EYS: variants seen among roughly 807,000 people sequenced by gnomAD.
The protein encoded by EYS is protein eyes shut homolog.
In EYS, 250 loss-of-function variants were observed where a neutral mutation model predicts 282.1. The observed-to-expected ratio is 0.89, with a 90% CI of 0.80 to 0.98. The LOEUF (loss-of-function observed/expected upper bound fraction) is 0.98, where lower values mean the gene tolerates loss of function less well. Among genes scored for constraint, EYS ranks in the 50% least tolerant of loss-of-function variants. The pLI, the probability that EYS is intolerant of heterozygous loss-of-function variation, is 0.00. For synonymous variants in EYS, 1,355 were observed against 1,282.9 expected, an observed-to-expected ratio of 1.06 and a Z score of -1.20; for missense variants, 4,016 against 3,709.0, an observed-to-expected ratio of 1.08 and a Z score of -2.15.
intron 12 of EYS, among the ~76,000 whole-genome samples, chr6:65,180,052 A>G (rs533941552): frequency 6.6e-6 from 1 of 151,146 alleles, no homozygotes; most frequent in South Asian, 2.1e-4. Context: ...GATGGGACGT[A>G]TCTCAAAATA....
At chr6:65,144,328 G>A (rs942911109) in intron 12 of EYS, among the ~76,000 whole-genome samples, 28 of 152,130 alleles carry the variant, frequency 1.8e-4, no homozygotes, top group Admixed American at 1.3e-3. Context: ...TAAAGAGTAC[G>A]GAAAAAGAAA....
intron 41 of EYS, among the ~76,000 whole-genome samples, chr6:63,757,373 G>T (rs1335995189): frequency 6.6e-6 from 1 of 152,060 alleles, no homozygotes; most frequent in Admixed American, 6.6e-5. Context: ...CTGGTTCTCT[G>T]CTCTGAAACC....
At chr6:64,531,624 G>A (rs1764343966) in intron 26 of EYS, among the ~76,000 whole-genome samples, 1 of 114,040 alleles carries the variant, frequency 8.8e-6, no homozygotes, top group South Asian at 2.8e-4. Context: ...GTAGAGACAG[G>A]GTTTCACCGT....
chr6:65,192,293 C>CGTGTGTGTGTGTGTGTGTGTGTG (rs1765660476), intron 12 of EYS, among the ~76,000 whole-genome samples: 1 of 142,812 alleles, frequency 7.0e-6, no homozygotes, highest in Non-Finnish European at 1.5e-5. Context: ...TTTTTCTACT[C>CGTGTGTGTGTGTGTGTGTGTGTG]TGTGTGTGTG....
chr6:64,737,976 A>T (rs1017653558), intron 22 of EYS, among the ~76,000 whole-genome samples: 1 of 152,224 alleles, frequency 6.6e-6, no homozygotes, highest in African/African-American at 2.4e-5. Flanking sequence ...GCTCAAAGCC[A>T]TGGTTCCTTT....
intron 26 of EYS, among the ~76,000 whole-genome samples, chr6:64,505,610 T>C (rs1280312510): frequency 6.6e-6 from 1 of 152,194 alleles, no homozygotes; most frequent in Non-Finnish European, 1.5e-5. Context: ...CTTGTCTTTT[T>C]ATTTTTTTGT....
At chr6:65,538,442 T>C (rs1768040656) in intron 2 of EYS, among the ~76,000 whole-genome samples, 1 of 152,148 alleles carries the variant, frequency 6.6e-6, no homozygotes, top group Non-Finnish European at 1.5e-5. Flanking sequence ...TAGCATTCCC[T>C]TTGTACCAGA....
At chr6:65,173,895 A>G (rs1216981059) in intron 12 of EYS, among the ~76,000 whole-genome samples, 1 of 151,302 alleles carries the variant, frequency 6.6e-6, no homozygotes, top group Non-Finnish European at 1.5e-5. Flanking sequence ...AATTACATTG[A>G]CAGAATAAAA....
At chr6:65,680,111 CACACAA>C (rs1301842742) in intron 1 of EYS, among the ~76,000 whole-genome samples, 1 of 150,054 alleles carries the variant, frequency 6.7e-6, no homozygotes, top group African/African-American at 2.5e-5. Context: ...CACACACACA[CACACAA>C]AGCAAATGTT....
intron 12 of EYS, among the ~76,000 whole-genome samples, chr6:65,238,411 A>T (rs933580650): frequency 2.6e-5 from 4 of 151,684 alleles, no homozygotes; most frequent in African/African-American, 9.7e-5. Context: ...TTGAAAAGTT[A>T]TCTCATTTTG....
intron 14 of EYS, among the ~76,000 whole-genome samples, chr6:64,969,055 T>A (rs1428283256): frequency 6.6e-6 from 1 of 152,092 alleles, no homozygotes; most frequent in Non-Finnish European, 1.5e-5. Flanking sequence ...TCACAGACAT[T>A]GTTTTCTGAG....
chr6:65,700,449 G>A (rs1026711292), intron 1 of EYS, among the ~76,000 whole-genome samples: 2 of 152,180 alleles, frequency 1.3e-5, no homozygotes, highest in Admixed American at 1.3e-4. Flanking sequence ...TGGGGATACT[G>A]TGGCTACATA....
At chr6:65,180,644 T>C (rs1432833999) in intron 12 of EYS, among the ~76,000 whole-genome samples, 2 of 152,084 alleles carry the variant, frequency 1.3e-5, no homozygotes, top group Non-Finnish European at 2.9e-5. Context: ...AGGTAATTTA[T>C]AGATACAATG....
intron 1 of EYS, among the ~76,000 whole-genome samples, chr6:65,691,593 C>T (rs563479108): frequency 6.6e-6 from 1 of 150,446 alleles, no homozygotes; most frequent in African/African-American, 2.4e-5. Flanking sequence ...TTAATTTGAT[C>T]CCATTTGTCA....
chr6:64,689,237 T>C (rs1293870467), intron 22 of EYS, among the ~76,000 whole-genome samples: 4 of 152,046 alleles, frequency 2.6e-5, no homozygotes, highest in Non-Finnish European at 5.9e-5. Context: ...TCAAAGAGAA[T>C]AAAATACCTG....
At chr6:65,444,581 T>C (rs1250406409) in intron 5 of EYS, among the ~76,000 whole-genome samples, 2 of 151,396 alleles carry the variant, frequency 1.3e-5, no homozygotes, top group African/African-American at 4.8e-5. Context: ...TATAAAGTAT[T>C]TCTAATCCTC....
At chr6:64,091,099 C>CTT (rs1412653040) in intron 31 of EYS, among the ~76,000 whole-genome samples, 5 of 152,096 alleles carry the variant, frequency 3.3e-5, no homozygotes, top group African/African-American at 1.2e-4. Flanking sequence ...CTACTTGGCA[C>CTT]TTTGAACATT....
chr6:65,604,880 GTCACATA>G (rs1483329687), intron 2 of EYS, among the ~76,000 whole-genome samples: 8 of 132,030 alleles, frequency 6.1e-5, no homozygotes, highest in African/African-American at 2.3e-4. Context: ...GTCTTGCTCT[GTCACATA>G]GGCTGGAGTG....
In EYS at chr6:64,156,629, G is replaced by A. The variant is rs148305993; in HGVS notation, c.6424+73963C>T. Among the ~76,000 whole-genome samples, 597 of 152,260 alleles carry A rather than the reference G, an allele frequency of 3.9e-3. 4 individuals are homozygous for A. The highest frequency in any genetic ancestry group is 0.013 in the African/African-American group (560 of 41,560). On this transcript the variant is annotated intron_variant, in intron 31 of 42. Coordinates refer to ENST00000503581, the MANE Select transcript of EYS (RefSeq NM_001142800.2). ...TTGACCAAAAGTCTGATAGTGATATGGACAAAAAGGTCCAGGCTGAGGTGG... is the reference window on the plus strand; with the variant it reads ...TTGACCAAAAGTCTGATAGTGATATAGACAAAAAGGTCCAGGCTGAGGTGG...
Sources: gnomAD v4.1 joint callset for allele counts (sites outside exome capture counted in the v4.1 genomes callset) on GRCh38, gnomAD v4.1.1 for gene constraint, MANE v1.5 for transcripts, NCBI Gene and HGNC (gene_info 2026-07-23, HGNC 2026-07-21) for gene names.